Variants in NEDD4L observed in about 807,000 individuals in gnomAD.
NEDD4L encodes NEDD4 like E3 ubiquitin protein ligase, also known as E3 ubiquitin-protein ligase NEDD4-like.
A neutral mutation model predicts 148.9 loss-of-function variants in NEDD4L; 54 were observed. The ratio of observed to expected loss-of-function variants is 0.36; its 90% CI spans 0.29 to 0.45. The LOEUF (loss-of-function observed/expected upper bound fraction) is 0.45. Among genes scored for constraint, NEDD4L ranks in the 20% least tolerant of loss-of-function variants. NEDD4L has a pLI of 1.00. For synonymous variants in NEDD4L, 433 were observed against 440.7 expected (o/e 0.98, Z 0.22); for missense variants, 856 against 1,233.8 (o/e 0.69, Z 4.59).
intron 1 of NEDD4L, among the ~76,000 whole-genome samples, chr18:58,087,758 C>T (rs970621495): frequency 6.6e-6 from 1 of 152,162 alleles, no homozygotes; most frequent in African/African-American, 2.4e-5. Flanking sequence ...CCTGTAATCC[C>T]AGCTACTCGG....
intron 20 of NEDD4L, among the ~76,000 whole-genome samples, chr18:58,365,029 C>T (rs559563160): frequency 6.6e-6 from 1 of 152,290 alleles, no homozygotes; most frequent in South Asian, 2.1e-4. Context: ...GGGAGAGAAG[C>T]GGCTGCAGCT....
At chr18:58,318,053 G>A (rs770031969) in intron 6 of NEDD4L, among the ~76,000 whole-genome samples, 152 of 152,192 alleles carry the variant, frequency 1.0e-3, no homozygotes, top group Non-Finnish European at 1.1e-3. Context: ...ATGTTTGGTC[G>A]TGTGTATAGG....
chr18:58,113,932 G>A (rs561126), intron 1 of NEDD4L, among the ~76,000 whole-genome samples: 39,735 of 151,974 alleles, frequency 0.26, 8,340 homozygotes, highest in African/African-American at 0.58. Flanking sequence ...TGGGGGCTGC[G>A]GCTAGGGACA....
At chr18:58,196,045 C>T (rs1298301671) in intron 2 of NEDD4L, among the ~76,000 whole-genome samples, 1 of 152,184 alleles carries the variant, frequency 6.6e-6, no homozygotes, top group Non-Finnish European at 1.5e-5. Flanking sequence ...CCTCTCCCCC[C>T]TTTTATGAAT....
At chr18:58,111,478 T>C (rs1055506194) in intron 1 of NEDD4L, among the ~76,000 whole-genome samples, 29 of 152,240 alleles carry the variant, frequency 1.9e-4, no homozygotes, top group Admixed American at 2.0e-4. Context: ...TAAACTACTT[T>C]GTATCTCTAC....
Position 58,396,305 on chromosome 18 carries a change from A to G in NEDD4L, c.*36A>G, listed in dbSNP as rs377709472. On this transcript the variant is annotated 3_prime_UTR_variant, in exon 31 of 31. Coordinates refer to ENST00000400345, the MANE Select transcript of NEDD4L (RefSeq NM_001144967.3). ...CCTCGGGGGTGGTTGTTCTTCAAGC[A>G]AGTTCTGCTTGCACTTTTGCATTTG... is the stretch of plus-strand genomic sequence containing the variant. The G allele has an allele frequency of 3.7e-5, 52 of 1,423,776 alleles. No homozygotes were observed. The highest frequency in any genetic ancestry group is 4.9e-5 in the Non-Finnish European group (50 of 1,014,714). 88.2% of individuals were successfully genotyped at this position (1,423,776 alleles called of 1,614,324 possible).
At chr18:58,328,689 C>A (rs1293334437) in intron 9 of NEDD4L, among the ~76,000 whole-genome samples, 1 of 152,174 alleles carries the variant, frequency 6.6e-6, no homozygotes. Flanking sequence ...GGCAAATGGG[C>A]AGAGGACTTT....
At chr18:58,297,251 G>A (rs1485505405) in intron 5 of NEDD4L, among the ~76,000 whole-genome samples, 1 of 151,986 alleles carries the variant, frequency 6.6e-6, no homozygotes, top group East Asian at 1.9e-4. Context: ...AAATTTTGTG[G>A]GCCAGTATTC....
chr18:58,351,198 C>T (rs879121580), intron 18 of NEDD4L, 153 bp downstream of exon 18: 2 of 984,134 alleles, frequency 2.0e-6, no homozygotes, highest in Non-Finnish European at 2.4e-6. Flanking sequence ...TGCCTTCATA[C>T]GGTACTGTGC....
At chr18:58,114,596 G>A (rs544283625) in intron 1 of NEDD4L, among the ~76,000 whole-genome samples, 26 of 152,334 alleles carry the variant, frequency 1.7e-4, no homozygotes, top group African/African-American at 6.3e-4. Context: ...ATCCCAGGTG[G>A]GGTTCCTGTG....
intron 2 of NEDD4L, among the ~76,000 whole-genome samples, chr18:58,188,310 C>T (rs2039701572): frequency 6.6e-6 from 1 of 152,248 alleles, no homozygotes; most frequent in Non-Finnish European, 1.5e-5. Flanking sequence ...ACCAGTGGTG[C>T]TCAAGCCTGT....
Position 58,341,771 on chromosome 18 carries a change from A to T in NEDD4L, c.1351A>T (p.Thr451Ser). ...IRRPRSLSSP[T>S]VTLSAPLEGA... ...CCGGCCTCGTAGCCTCAGCTCGCCA[A>T]CAGTAACTTTATCTGCCCCGCTGGA... Residue 451 changes from threonine to serine, a missense_variant, in exon 15 of 31, where the codon ACA (threonine) becomes TCA (serine). Around this residue, in one of 4 missense-constraint regions of NEDD4L, gnomAD observed 367 missense variants for 422.7 expected, o/e 0.87. Transcript: ENST00000400345. 6.2e-7 allele frequency: 1 copy of T among 1,613,652 alleles called. No homozygotes were observed. Among genetic ancestry groups the T allele is most frequent in the Non-Finnish European group, 8.5e-7 (1 of 1,179,790 alleles).
chr18:58,369,385 C>T (rs1337325943), intron 22 of NEDD4L, among the ~76,000 whole-genome samples: 1 of 152,192 alleles, frequency 6.6e-6, no homozygotes, highest in African/African-American at 2.4e-5. Flanking sequence ...AGTCCAAGTG[C>T]ACATAGATGG....
chr18:58,287,197 A>G (rs975137291), intron 5 of NEDD4L, among the ~76,000 whole-genome samples: 44 of 151,842 alleles, frequency 2.9e-4, no homozygotes, highest in African/African-American at 1.1e-3. Context: ...TAAAAGGTCC[A>G]TATGATCAAA....
At chr18:58,279,837 A>G (rs17064667) in intron 5 of NEDD4L, among the ~76,000 whole-genome samples, 28,209 of 152,208 alleles carry the variant, frequency 0.19, 2,815 homozygotes, top group East Asian at 0.29. Context: ...AATGTACATT[A>G]GACACAAGTT....
Position 58,255,408 on chromosome 18 carries a change from CCCT to C in NEDD4L, c.297+3355_297+3357del, listed in dbSNP as rs2048394644. ...GAGCGCGGTCATGTGGTTCTGGCCA[CCCT>C]ACCCTCTGTCACAGTGTGGATGAGA... On this transcript the variant is annotated intron_variant, in intron 5 of 30. Transcript: ENST00000400345. The C allele has an allele frequency of 5.5e-6, 5 of 902,366 alleles. No homozygotes were observed. The East Asian group carries it at 1.4e-4, about 25-fold the overall frequency. The allele number at this position is 902,366 out of a possible 1,614,324, so 55.9% of individuals were successfully genotyped here.
chr18:58,174,664 T>A (rs929486228), intron 2 of NEDD4L, among the ~76,000 whole-genome samples: 3 of 152,160 alleles, frequency 2.0e-5, no homozygotes, highest in Non-Finnish European at 4.4e-5. Context: ...GAGGCAGGAA[T>A]GGGTGAGGCT....
intron 2 of NEDD4L, among the ~76,000 whole-genome samples, chr18:58,188,491 C>T (rs963120570): frequency 6.6e-5 from 10 of 152,308 alleles, no homozygotes; most frequent in Admixed American, 5.2e-4. Flanking sequence ...TGCTTGTTCC[C>T]TCAAGGACCT....
At chr18:58,384,143 G>T (rs1432654546) in intron 25 of NEDD4L, among the ~76,000 whole-genome samples, 1 of 152,162 alleles carries the variant, frequency 6.6e-6, no homozygotes, top group East Asian at 1.9e-4. Context: ...TTTGGAATTG[G>T]TCAGAGGTCT....
Sources: gnomAD v4.1 joint callset for allele counts (sites outside exome capture counted in the v4.1 genomes callset) on GRCh38, gnomAD v4.1.1 for gene constraint, gnomAD v4.1.1 regional missense constraint, MANE v1.5 for transcripts, NCBI Gene and HGNC (gene_info 2026-07-23, HGNC 2026-07-21) for gene names.